FAM114A1: variants seen among roughly 807,000 people sequenced by gnomAD.
FAM114A1 encodes the protein protein NOXP20.
Under a neutral mutation model 64.3 loss-of-function variants are expected in FAM114A1, and 62 were observed. The observed-to-expected ratio is 0.96, with a 90% CI of 0.79 to 1.19. FAM114A1 has a LOEUF of 1.19. Ranked by LOEUF, FAM114A1 falls within the 50% of genes most tolerant of loss-of-function variation. The pLI, the probability that FAM114A1 is intolerant of heterozygous loss-of-function variation, is 0.00. For missense variants in FAM114A1, 645 were observed against 676.3 expected, an observed-to-expected ratio of 0.95 and a Z score of 0.51; for synonymous variants, 254 against 251.1, an observed-to-expected ratio of 1.01 and a Z score of -0.11.
intron 12 of FAM114A1, 51 bp downstream of exon 12, chr4:38,932,425 A>G (rs1355733733): frequency 1.3e-6 from 2 of 1,518,580 alleles, no homozygotes; most frequent in East Asian, 2.4e-5. Context: ...ATATATAGGT[A>G]CCATTCAGAT....
At position 38,908,746 on chromosome 4, in the gene FAM114A1, C is replaced by A; in HGVS notation, c.792+20C>A. On this transcript the variant is annotated intron_variant, in intron 7 of 14. Coordinates refer to ENST00000358869, the MANE Select transcript of FAM114A1 (RefSeq NM_138389.4). ...TCTCAGGTTGGATTATATACGTTTG[C>A]AATTTTTTCTTTCAGTCAATAAAGT... is the stretch of plus-strand genomic sequence containing the variant. 6.6e-7 allele frequency: 1 copy of A among 1,520,238 alleles called. No homozygotes were observed. Among genetic ancestry groups the A allele is most frequent in the Non-Finnish European group, 8.9e-7 (1 of 1,122,594 alleles). The allele number at this position is 1,520,238 out of a possible 1,614,324, so 94.2% of individuals were successfully genotyped here. A position where few individuals can be genotyped will look rare whatever the true frequency, so the allele number is the denominator to read the frequency against.
At position 38,943,781 on chromosome 4, in the gene FAM114A1, T is replaced by G; in HGVS notation, c.*224T>G. The G allele has an allele frequency of 2.5e-6, 1 of 397,742 alleles. No homozygotes were observed. Among genetic ancestry groups the G allele is most frequent in the South Asian group, 4.4e-5 (1 of 22,780 alleles). 24.6% of individuals were successfully genotyped at this position (397,742 alleles called of 1,614,324 possible). ...ACAATTGTGTTTTCTTTATGTTAATTTAAACTTACACAGCTTATATTGAAA... is the reference window on the plus strand; with the variant it reads ...ACAATTGTGTTTTCTTTATGTTAATGTAAACTTACACAGCTTATATTGAAA... On this transcript the variant is annotated 3_prime_UTR_variant, in exon 15 of 15. Transcript: ENST00000358869.
intron 14 of FAM114A1, among the ~76,000 whole-genome samples, chr4:38,941,896 T>C (rs971129744): frequency 1.3e-5 from 2 of 152,238 alleles, no homozygotes; most frequent in Non-Finnish European, 2.9e-5. Context: ...AATTTCACAC[T>C]GCTGATAAAG....
At chr4:38,915,128 A>G (rs890390827) in intron 8 of FAM114A1, 55 bp downstream of exon 8, 9 of 1,580,176 alleles carry the variant, frequency 5.7e-6, no homozygotes, top group African/African-American at 5.5e-5. Context: ...TTGCTTAAAC[A>G]TGAAAGAAAC....
intron 8 of FAM114A1, among the ~76,000 whole-genome samples, chr4:38,919,978 G>A (rs1022902784): frequency 6.6e-6 from 1 of 152,194 alleles, no homozygotes; most frequent in Non-Finnish European, 1.5e-5. Context: ...GGAGGCCAAG[G>A]TAGGCAGATC....
intron 6 of FAM114A1, among the ~76,000 whole-genome samples, chr4:38,908,285 CATCCATTCATA>C (rs1718211373): frequency 6.6e-6 from 1 of 151,870 alleles, no homozygotes; most frequent in Admixed American, 6.6e-5. Flanking sequence ...CTTAGATACA[CATCCATTCATA>C]CACAGAGAGC....
chr4:38,936,156 G>T (rs1370397853), intron 13 of FAM114A1, among the ~76,000 whole-genome samples: 1 of 149,918 alleles, frequency 6.7e-6, no homozygotes, highest in South Asian at 2.1e-4. Context: ...GCAGTGGCGC[G>T]ATCTCGGCTC....
At chr4:38,941,915 G>A (rs1721604784) in intron 14 of FAM114A1, among the ~76,000 whole-genome samples, 1 of 152,216 alleles carries the variant, frequency 6.6e-6, no homozygotes, top group Non-Finnish European at 1.5e-5. Flanking sequence ...AGACATACCT[G>A]AGACTGGGCA....
rs569801367 is a variant in FAM114A1 at position 38,893,170 on chromosome 4, C to T, written c.436+1340C>T. ...GGTGAGGACAAGCACCTGCAGGCAT[C>T]CTCTGTCCTTGGAAAAATGTTTGAA... On this transcript the variant is annotated intron_variant, in intron 4 of 14. Coordinates refer to ENST00000358869, the MANE Select transcript of FAM114A1 (RefSeq NM_138389.4). Among the ~76,000 whole-genome samples the T allele has an allele frequency of 3.3e-5, 5 of 152,364 alleles. No homozygotes were observed. The South Asian group carries it at 8.3e-4, about 25-fold the overall frequency.
intron 7 of FAM114A1, among the ~76,000 whole-genome samples, chr4:38,910,814 G>T (rs1324281574): frequency 2.6e-5 from 4 of 152,182 alleles, no homozygotes; most frequent in Non-Finnish European, 5.9e-5. Context: ...GTGATGGAGA[G>T]GAGTGGGCTC....
intron 2 of FAM114A1, among the ~76,000 whole-genome samples, chr4:38,875,116 C>T (rs558281466): frequency 6.6e-6 from 1 of 152,232 alleles, no homozygotes; most frequent in South Asian, 2.1e-4. Context: ...GTGATGTCTC[C>T]AGCTTTGTTC....
intron 7 of FAM114A1, 66 bp downstream of exon 7, chr4:38,908,792 T>G: frequency 7.1e-7 from 1 of 1,403,208 alleles, no homozygotes; most frequent in Non-Finnish European, 9.6e-7. Context: ...TTTATTTATC[T>G]TTTTGAATAG....
At chr4:38,929,643 G>A (rs1579399375) in intron 10 of FAM114A1, among the ~76,000 whole-genome samples, 1 of 152,248 alleles carries the variant, frequency 6.6e-6, no homozygotes, top group African/African-American at 2.4e-5. Context: ...CAAGTGCGGT[G>A]GCGCATGCCT....
At chr4:38,880,810 T>C (rs745475455) in intron 3 of FAM114A1, among the ~76,000 whole-genome samples, 3 of 152,356 alleles carry the variant, frequency 2.0e-5, no homozygotes, top group Admixed American at 6.5e-5. Flanking sequence ...CAAGCTCTAC[T>C]AATTCAAAAT....
At chr4:38,923,003 A>G (rs1719755301) in intron 9 of FAM114A1, 110 bp downstream of exon 9, 9 of 1,242,192 alleles carry the variant, frequency 7.2e-6, no homozygotes, top group African/African-American at 1.5e-5. Flanking sequence ...CTCCTCCTCC[A>G]TGCTTCCAAA....
At chr4:38,880,095 A>G (rs202022720) in intron 3 of FAM114A1, among the ~76,000 whole-genome samples, 21,822 of 96,666 alleles carry the variant, frequency 0.23, 2,364 homozygotes, top group Non-Finnish European at 0.26. Context: ...AAATAAAATA[A>G]AATAAAATAG....
chr4:38,933,270 C>T (rs895756581), intron 12 of FAM114A1, among the ~76,000 whole-genome samples: 3 of 152,200 alleles, frequency 2.0e-5, no homozygotes, highest in East Asian at 3.9e-4. Flanking sequence ...TTGCATGAGG[C>T]GTGAAAGTAC....
chr4:38,869,962 A>G (rs1182213792), intron 2 of FAM114A1, among the ~76,000 whole-genome samples: 1 of 152,206 alleles, frequency 6.6e-6, no homozygotes, highest in Non-Finnish European at 1.5e-5. Context: ...ATTTTTCTCT[A>G]TCATCACAGA....
chr4:38,926,648 G>C (rs764938011), intron 9 of FAM114A1, among the ~76,000 whole-genome samples: 2 of 152,060 alleles, frequency 1.3e-5, no homozygotes, highest in Non-Finnish European at 2.9e-5. Flanking sequence ...TAGAGATGGG[G>C]TTTCACCACG....
Sources: allele counts gnomAD v4.1 joint callset (sites outside exome capture counted in the v4.1 genomes callset), GRCh38; gene constraint gnomAD v4.1.1; transcripts MANE v1.5; gene names NCBI Gene and HGNC (gene_info 2026-07-23, HGNC 2026-07-21).